NRAP: variants seen among roughly 807,000 people sequenced by gnomAD.
NRAP encodes nebulin-related-anchoring protein.
Under a neutral mutation model 225.9 loss-of-function variants are expected in NRAP, and 189 were observed. That is an observed-to-expected ratio of 0.84 (90% CI 0.74 to 0.94). The LOEUF is 0.94. Among genes scored for constraint, NRAP ranks in the 40% least tolerant of loss-of-function variants. The probability of loss-of-function intolerance (pLI) is 0.00; values close to 1 mark genes in which losing one functional copy is unlikely to be tolerated. For missense variants in NRAP, 2,176 were observed against 2,168.7 expected (o/e 1.00, Z -0.07); for synonymous variants, 769 against 790.7 (o/e 0.97, Z 0.46).
intron 4 of NRAP, among the ~76,000 whole-genome samples, chr10:113,657,225 G>T (rs1850362693): frequency 2.0e-5 from 3 of 152,138 alleles, no homozygotes; most frequent in Admixed American, 6.5e-5. Flanking sequence ...GGTAGCCTTG[G>T]TTTCAAACCT....
chr10:113,638,770 T>G (rs1849023945), intron 14 of NRAP, among the ~76,000 whole-genome samples: 1 of 152,170 alleles, frequency 6.6e-6, no homozygotes, highest in East Asian at 1.9e-4. Flanking sequence ...CAAAACCCAC[T>G]GTGTAGCCAA....
At chr10:113,647,073 A>ACCCATCTGGG in intron 9 of NRAP, 46 bp from the exon 10 acceptor site, 1 of 1,233,240 alleles carries the variant, frequency 8.1e-7, no homozygotes, top group Non-Finnish European at 1.2e-6. Context: ...TTCCCTCCCC[A>ACCCATCTGGG]GATGGGTGGG....
At chr10:113,614,395 G>A in intron 28 of NRAP, 99 bp from the exon 29 acceptor site, 1 of 846,042 alleles carries the variant, frequency 1.2e-6, no homozygotes, top group Non-Finnish European at 2.0e-6. Flanking sequence ...TCTTTTGACA[G>A]TAGCTGGGTG....
Position 113,615,809 on chromosome 10 carries a change from T to A in NRAP, c.2981A>T (p.Tyr994Phe). ...CTTTATGTTTTCTCCTTGTTCCCTGTATAATCTCTGTGGATGGAAGGAGGT... is the reference window on the plus strand; with the variant it reads ...CTTTATGTTTTCTCCTTGTTCCCTGAATAATCTCTGTGGATGGAAGGAGGT... ...ISYTQAVDRLYREQGENIKHH... is the reference protein window; with the variant it reads ...ISYTQAVDRLFREQGENIKHH... The change falls in exon 27 of 42, where the codon TAC becomes TTC. Residue 994 changes from tyrosine (Y) to phenylalanine (F), a missense_variant. Transcript: ENST00000359988. 1.9e-6 allele frequency: 3 copies of A among 1,581,050 alleles called. No individual in the cohort carries two copies. Among genetic ancestry groups the A allele is most frequent in the Non-Finnish European group, 2.6e-6 (3 of 1,149,870 alleles).
intron 31 of NRAP, among the ~76,000 whole-genome samples, chr10:113,608,952 A>G (rs1277910063): frequency 6.6e-6 from 1 of 152,196 alleles, no homozygotes; most frequent in Non-Finnish European, 1.5e-5. Context: ...TAAGGTCAGG[A>G]GTTCGAGACC....
At chr10:113,600,624 A>T (rs1846543068) in intron 35 of NRAP, among the ~76,000 whole-genome samples, 1 of 152,182 alleles carries the variant, frequency 6.6e-6, no homozygotes, top group Non-Finnish European at 1.5e-5. Flanking sequence ...TGGGTTCAGA[A>T]TCCAGCCACC....
At chr10:113,654,476 T>C (rs902502459) in intron 4 of NRAP, among the ~76,000 whole-genome samples, 2 of 145,660 alleles carry the variant, frequency 1.4e-5, no homozygotes, top group African/African-American at 2.6e-5. Flanking sequence ...CTACCTGTTA[T>C]GTGCTTGACA....
chr10:113,612,230 T>C lies in NRAP; in HGVS notation c.3498+4A>G, dbSNP rs1592760822. 1 of 1,613,766 alleles carries C rather than the reference T, an allele frequency of 6.2e-7. No individual in the cohort carries two copies. On this transcript the variant is annotated splice_donor_region_variant and intron_variant, in intron 30 of 41. Coordinates refer to ENST00000359988, the MANE Select transcript of NRAP (RefSeq NM_198060.4). ...GCCCTGAGAAAGAGGCCAGGTCTCC[T>C]TACCTCACTCTGCAATTTGTGAGCT...
intron 35 of NRAP, among the ~76,000 whole-genome samples, chr10:113,599,539 T>C (rs2133863957): frequency 6.6e-6 from 1 of 152,282 alleles, no homozygotes; most frequent in Middle Eastern, 3.4e-3. Context: ...TCAACTTGCC[T>C]TTTGTTGAGC....
intron 10 of NRAP, among the ~76,000 whole-genome samples, chr10:113,646,510 C>A (rs1262299949): frequency 6.6e-6 from 1 of 152,236 alleles, no homozygotes; most frequent in Non-Finnish European, 1.5e-5. Flanking sequence ...TTATACCCTG[C>A]CTTCCAAGGA....
chr10:113,636,454 C>T (rs1848872667), intron 14 of NRAP, among the ~76,000 whole-genome samples: 1 of 152,202 alleles, frequency 6.6e-6, no homozygotes. Context: ...ACCCAAAAGT[C>T]ACAAATGTCT....
At chr10:113,601,566 T>C (rs1390052288) in intron 35 of NRAP, among the ~76,000 whole-genome samples, 1 of 152,238 alleles carries the variant, frequency 6.6e-6, no homozygotes, top group Non-Finnish European at 1.5e-5. Context: ...CAGTCACTTC[T>C]TAGCATTTAA....
At chr10:113,646,796 T>G in intron 10 of NRAP, 127 bp downstream of exon 10, 1 of 712,858 alleles carries the variant, frequency 1.4e-6, no homozygotes. Flanking sequence ...GGATGGGAGT[T>G]GAGGGCTAAC....
chr10:113,647,697 T>TCTCCCCCGGTGGTACTTC (rs1849657703), intron 9 of NRAP, among the ~76,000 whole-genome samples: 1 of 116,174 alleles, frequency 8.6e-6, no homozygotes, highest in African/African-American at 3.1e-5. Flanking sequence ...GGTGGTACTG[T>TCTCCCCCGGTGGTACTTC]CTCCCCCAGT....
At chr10:113,625,946 G>A (rs750480183) in intron 21 of NRAP, 101 bp downstream of exon 21, 13 of 719,714 alleles carry the variant, frequency 1.8e-5, no homozygotes, top group East Asian at 2.8e-5. Context: ...AAGGCTCTTT[G>A]GTTTCTGGAT....
Position 113,615,621 on chromosome 10 carries a change from A to G in NRAP, c.3078+91T>C, listed in dbSNP as rs532716884. The G allele has an allele frequency of 3.9e-6, 3 of 761,244 alleles. No individual in the cohort carries two copies. The Admixed American group carries it at 5.8e-5, about 15-fold the overall frequency. 47.2% of individuals were successfully genotyped at this position (761,244 alleles called of 1,614,324 possible). A position where few individuals can be genotyped will look rare whatever the true frequency, so the allele number is the denominator to read the frequency against. Reference sequence around the variant, plus strand: ...TGATGGCAGAACATGAAACCAGCTCAGGGGCTTCTGAGCACAGGGCATTGT... The same window carrying G: ...TGATGGCAGAACATGAAACCAGCTCGGGGGCTTCTGAGCACAGGGCATTGT... On this transcript the variant is annotated intron_variant, in intron 27 of 41. Coordinates refer to ENST00000359988, the MANE Select transcript of NRAP (RefSeq NM_198060.4).
chr10:113,629,713 G>A lies in NRAP; in HGVS notation c.1915C>T (p.His639Tyr). ...GCGAGAGTTTGGGCCTTCTTAGCAT[G>A]CCTGATGTTTACCATATCCATGGGC... ...HLPMDMVNIR[H>Y]AKKAQTLASD... Residue 639 changes from histidine to tyrosine, a missense_variant, in exon 19 of 42, where the codon CAT (histidine) becomes TAT (tyrosine). Physicochemically the swap from His to Tyr is moderately conservative, Grantham distance 83 (BLOSUM62 2). Transcript: ENST00000359988. The A allele has an allele frequency of 6.2e-7, 1 of 1,613,766 alleles. No individual in the cohort carries two copies.
chr10:113,618,985 G>A (rs1164213938), intron 25 of NRAP, among the ~76,000 whole-genome samples: 3 of 152,266 alleles, frequency 2.0e-5, no homozygotes, highest in South Asian at 2.1e-4. Context: ...GGCCCAATTC[G>A]ACAGTAACTT....
chr10:113,602,712 C>G (rs1056128902), intron 35 of NRAP, among the ~76,000 whole-genome samples: 1 of 152,176 alleles, frequency 6.6e-6, no homozygotes, highest in Admixed American at 6.5e-5. Flanking sequence ...GTAGTCATTG[C>G]CCTGAAGGCA....
Sources: allele counts gnomAD v4.1 joint callset (sites outside exome capture counted in the v4.1 genomes callset), GRCh38; gene constraint gnomAD v4.1.1; transcripts MANE v1.5; gene names NCBI Gene and HGNC (gene_info 2026-07-23, HGNC 2026-07-21).